The following SLC20A2 variants were observed in gnomAD, a reference collection of about 807,000 sequenced individuals.
SLC20A2 encodes sodium-dependent phosphate transporter 2.
A neutral mutation model predicts 61.0 loss-of-function variants in SLC20A2; 30 were observed. That is an observed-to-expected ratio of 0.49 (90% CI 0.37 to 0.67). The LOEUF is 0.67. Among genes scored for constraint, SLC20A2 ranks in the 30% least tolerant of loss-of-function variants. The pLI is 0.00. For synonymous variants in SLC20A2, 351 were observed against 353.3 expected (o/e 0.99, Z 0.07); for missense variants, 626 against 866.4 (o/e 0.72, Z 3.48).
At chr8:42,436,451 G>C (rs190732751) in intron 8 of SLC20A2, among the ~76,000 whole-genome samples, 1 of 152,228 alleles carries the variant, frequency 6.6e-6, no homozygotes, top group South Asian at 2.1e-4. Context: ...TCTCACATCC[G>C]CATCCAGGCC....
At chr8:42,464,175 A>T (rs1806962166) in intron 3 of SLC20A2, among the ~76,000 whole-genome samples, 1 of 128,810 alleles carries the variant, frequency 7.8e-6, no homozygotes, top group Non-Finnish European at 1.6e-5. Flanking sequence ...TGGCATAATC[A>T]TGGCTCACTG....
intron 1 of SLC20A2, among the ~76,000 whole-genome samples, chr8:42,520,205 G>T (rs1207552293): frequency 6.7e-6 from 1 of 150,290 alleles, no homozygotes; most frequent in Non-Finnish European, 1.5e-5. Context: ...GTAGAAACGG[G>T]GTTTCACCAT....
At chr8:42,471,949 T>C (rs969678585) in intron 2 of SLC20A2, among the ~76,000 whole-genome samples, 153 bp downstream of exon 2, 4 of 152,216 alleles carry the variant, frequency 2.6e-5, no homozygotes, top group African/African-American at 9.7e-5. Context: ...TAAATTAATA[T>C]GCAGAAAGCA....
rs565183641 is a variant in SLC20A2 at position 42,494,406 on chromosome 8, C to CAA, written c.-265+6624_-265+6625insTT. On this transcript the variant is annotated intron_variant, in intron 1 of 10. Transcript: ENST00000520262. The stretch of plus-strand genomic sequence containing the variant: ...AGTTTTCTATTATTACATAAGTAAT[C>CAA]TATGCTTATTGAAGAAAAAAATTAA... Among the ~76,000 whole-genome samples the CAA allele has an allele frequency of 8.4e-3, 1,276 of 152,128 alleles. 8 individuals carry two copies. Among genetic ancestry groups the CAA allele is most frequent in the African/African-American group, 0.029 (1,221 of 41,524 alleles).
At chr8:42,438,085 A>AAAC (rs1804483345) in intron 7 of SLC20A2, among the ~76,000 whole-genome samples, 2 of 149,244 alleles carry the variant, frequency 1.3e-5, no homozygotes, top group Non-Finnish European at 3.0e-5. Context: ...AAAAAAAAAA[A>AAAC]AAAACATGGA....
chr8:42,516,988 C>T (rs773746057), intron 1 of SLC20A2, among the ~76,000 whole-genome samples: 2 of 152,112 alleles, frequency 1.3e-5, no homozygotes, highest in Non-Finnish European at 2.9e-5. Flanking sequence ...CACTTGAGAC[C>T]GTCCACCACC....
chr8:42,531,016 A>G (rs1193157691), intron 1 of SLC20A2, among the ~76,000 whole-genome samples: 1 of 152,188 alleles, frequency 6.6e-6, no homozygotes, highest in Non-Finnish European at 1.5e-5. Context: ...CACTGAGCCC[A>G]GCCAGACTCT....
rs1208076288 is a variant in SLC20A2, at chr8:42,468,075, TG to T, written c.290-2159del. Among the ~76,000 whole-genome samples, 5 of 152,010 alleles carry T rather than the reference TG, an allele frequency of 3.3e-5. No individual in the cohort carries two copies. The East Asian group carries it at 9.7e-4, about 29-fold the overall frequency. On this transcript the variant is annotated intron_variant, in intron 2 of 10. Transcript: ENST00000520262. ...CCGCTACCACGCCCGGCTAATTTTT[TG>T]TATTTTTAGTAGAGACGGGGTTTCA...
intron 1 of SLC20A2, chr8:42,484,804 TG>T: frequency 3.3e-6 from 1 of 307,092 alleles, no homozygotes; most frequent in Non-Finnish European, 6.5e-6. Context: ...CGGGAGCACC[TG>T]GGCCTGGCCT....
intron 5 of SLC20A2, among the ~76,000 whole-genome samples, chr8:42,449,858 T>C (rs1805506850): frequency 6.6e-6 from 1 of 152,248 alleles, no homozygotes; most frequent in African/African-American, 2.4e-5. Flanking sequence ...CATTTATTTT[T>C]CTTTTTTCCT....
At chr8:42,487,314 A>G (rs1809107135) in intron 1 of SLC20A2, among the ~76,000 whole-genome samples, 1 of 151,008 alleles carries the variant, frequency 6.6e-6, no homozygotes. Context: ...AGTAGCTGGG[A>G]CTACTGGCGC....
intron 5 of SLC20A2, among the ~76,000 whole-genome samples, chr8:42,447,415 T>A (rs60817994): frequency 2.6e-5 from 4 of 151,542 alleles, no homozygotes; most frequent in African/African-American, 9.7e-5. Context: ...CGGTGGCTCA[T>A]GCCTGTAATC....
intron 5 of SLC20A2, among the ~76,000 whole-genome samples, chr8:42,453,229 G>C (rs546907515): frequency 9.9e-5 from 15 of 152,282 alleles, no homozygotes; most frequent in Middle Eastern, 3.4e-3. Flanking sequence ...CACAACTGAA[G>C]ACTTTTTCAT....
intron 1 of SLC20A2, chr8:42,484,659 G>A: frequency 2.9e-6 from 1 of 342,904 alleles, no homozygotes; most frequent in Non-Finnish European, 5.7e-6. Flanking sequence ...GCAGCCCCAT[G>A]GTGTCCCCTG....
chr8:42,492,806 T>TA (rs1413366716), intron 1 of SLC20A2, among the ~76,000 whole-genome samples: 4 of 151,902 alleles, frequency 2.6e-5, no homozygotes, highest in African/African-American at 9.7e-5. Flanking sequence ...GCCTCCCAAG[T>TA]AGCTGGGACT....
intron 5 of SLC20A2, among the ~76,000 whole-genome samples, chr8:42,454,241 A>T (rs1415784480): frequency 6.6e-6 from 1 of 152,110 alleles, no homozygotes; most frequent in African/African-American, 2.4e-5. Flanking sequence ...TGACCTCATG[A>T]TCCGCCCGTC....
chr8:42,453,221 C>T (rs1047563497), intron 5 of SLC20A2, among the ~76,000 whole-genome samples: 1 of 152,220 alleles, frequency 6.6e-6, no homozygotes, highest in African/African-American at 2.4e-5. Context: ...AGGCCCCACA[C>T]AACTGAAGAC....
Position 42,444,647 on chromosome 8 carries a change from T to C in SLC20A2, c.729A>G (p.Thr243=). Residue 243 remains threonine (T), a splice_region_variant and synonymous_variant, in exon 6 of 11, where the codon ACA becomes ACG. Coordinates refer to ENST00000520262, the MANE Select transcript of SLC20A2 (RefSeq NM_001257180.2). ...TCAGAAGAATTAAAAGGCCCATACCTGTTATTTTCCTCCGCATCCACGGAC... is the reference window on the plus strand; with the variant it reads ...TCAGAAGAATTAAAAGGCCCATACCCGTTATTTTCCTCCGCATCCACGGAC... ...FVCPWMRRKI[T]GKLQKEGALS... is the part of the protein sequence containing the mutation. 6.2e-7 allele frequency: 1 copy of C among 1,610,540 alleles called. No individual in the cohort carries two copies. The highest frequency in any genetic ancestry group is 2.2e-5 in the East Asian group (1 of 44,856).
At chr8:42,491,374 A>C (rs1490754104) in intron 1 of SLC20A2, among the ~76,000 whole-genome samples, 2 of 152,100 alleles carry the variant, frequency 1.3e-5, no homozygotes, top group Admixed American at 6.5e-5. Context: ...GCATGGTGGC[A>C]CATGCCTGTA....
Sources: allele counts gnomAD v4.1 joint callset (sites outside exome capture counted in the v4.1 genomes callset), GRCh38; gene constraint gnomAD v4.1.1; transcripts MANE v1.5; gene names NCBI Gene and HGNC (gene_info 2026-07-23, HGNC 2026-07-21).